MROH1: variants seen among roughly 807,000 people sequenced by gnomAD.
MROH1 encodes the protein maestro heat like repeat family member 1, also known as maestro heat-like repeat-containing protein family member 1.
A neutral mutation model predicts 116.5 loss-of-function variants in MROH1; 117 were observed. The observed-to-expected ratio is 1.00, with a 90% CI of 0.86 to 1.17. The LOEUF (loss-of-function observed/expected upper bound fraction) is 1.17, where lower values mean the gene tolerates loss of function less well. Ranked by LOEUF, MROH1 falls within the 50% of genes most tolerant of loss-of-function variation. The pLI is 0.00. For synonymous variants in MROH1, 921 were observed against 583.9 expected (o/e 1.58, Z -8.32); for missense variants, 1,873 against 1,338.5 (o/e 1.40, Z -6.23).
rs114291213 is a variant in MROH1 at position 144,169,071 on chromosome 8, G to A, written c.168+631G>A. ...TCTCACCTCCCAGGATTTCGGCCTC[G>A]CCTGATCTTGGTTCAGTGGTTCTCT... is the stretch of plus-strand genomic sequence containing the variant. On this transcript the variant is annotated intron_variant, in intron 4 of 43. Coordinates refer to ENST00000326134, the MANE Select transcript of MROH1 (RefSeq NM_032450.3). Among the ~76,000 whole-genome samples the A allele has an allele frequency of 1.6e-3, 247 of 152,288 alleles. 1 individual carries two copies. The highest frequency in any genetic ancestry group is 5.6e-3 in the African/African-American group (231 of 41,564).
chr8:144,226,503 A>G (rs1298619151), intron 14 of MROH1, among the ~76,000 whole-genome samples: 1 of 151,898 alleles, frequency 6.6e-6, no homozygotes, highest in Non-Finnish European at 1.5e-5. Context: ...CTCAGGCTGG[A>G]GTAAAATGGT....
rs1261223014 is a variant in MROH1, at chr8:144,152,542, AATT to A, written c.-177+4479_-177+4481del. On this transcript the variant is annotated intron_variant, in intron 1 of 43. Coordinates refer to ENST00000326134, the MANE Select transcript of MROH1 (RefSeq NM_032450.3). ...TAGCTGGGACTACAGGCGTGTGAAA[AATT>A]ATTATTATTATTTTTTTTTTTGAGA... is the stretch of plus-strand genomic sequence containing the variant. 2.0e-4 allele frequency among the ~76,000 whole-genome samples: 26 copies of A among 129,166 alleles called. 1 individual carries two copies. The highest frequency in any genetic ancestry group is 6.7e-4 in the African/African-American group (17 of 25,350). The allele number at this position is 129,166 out of a possible 152,430, so 84.7% of individuals were successfully genotyped here.
At chr8:144,243,268 A>G (rs904852674) in intron 24 of MROH1, among the ~76,000 whole-genome samples, 3 of 152,210 alleles carry the variant, frequency 2.0e-5, no homozygotes, top group Non-Finnish European at 2.9e-5. Flanking sequence ...CACACCACAC[A>G]GTGTCTGCTC....
At chr8:144,172,365 C>A (rs1822671355) in intron 4 of MROH1, among the ~76,000 whole-genome samples, 1 of 151,980 alleles carries the variant, frequency 6.6e-6, no homozygotes, top group Admixed American at 6.6e-5. Context: ...TCAGGCGTTT[C>A]TGTCTGCTGA....
intron 17 of MROH1, 32 bp downstream of exon 17, chr8:144,239,395 G>C: frequency 1.3e-6 from 1 of 780,380 alleles, no homozygotes; most frequent in South Asian, 1.3e-5. Flanking sequence ...CGTGCCCAGC[G>C]CCCCACTCTG....
chr8:144,179,353 G>A, intron 4 of MROH1, 102 bp from the exon 5 acceptor site: 1 of 1,511,634 alleles, frequency 6.6e-7, no homozygotes, highest in East Asian at 2.4e-5. Context: ...ACTTGAGGCA[G>A]AGAGATTTGT....
At position 144,180,854 on chromosome 8, in the gene MROH1, T is replaced by C. The variant is rs1358430982; in HGVS notation, c.562+331T>C. Among the ~76,000 whole-genome samples, 1 of 152,084 alleles carries C rather than the reference T, an allele frequency of 6.6e-6. No individual in the cohort carries two copies. Among genetic ancestry groups the C allele is most frequent in the African/African-American group, 2.4e-5 (1 of 41,402 alleles). On this transcript the variant is annotated intron_variant, in intron 7 of 43. Transcript: ENST00000326134. This position sits in a 1 kb window ranked among gnomAD's most constrained non-coding sequence, Gnocchi z 7.4. ...CTCCCCACTCCAGGCTAGAAAAGTG[T>C]CCGCTCTCTGGGCATCCCAGGACCC...
chr8:144,213,020 A>T (rs1564490263), intron 12 of MROH1: 3 of 779,636 alleles, frequency 3.8e-6, no homozygotes, highest in South Asian at 2.7e-5. Context: ...AATAACACTG[A>T]TGTTGCCATC....
chr8:144,174,938 A>G (rs1823442809), intron 4 of MROH1: 2 of 985,454 alleles, frequency 2.0e-6, no homozygotes, highest in African/African-American at 3.5e-5. Context: ...GAGATGCCAC[A>G]GTTGTGAGTG....
At chr8:144,234,185 A>G (rs1839529890) in intron 14 of MROH1, among the ~76,000 whole-genome samples, 1 of 151,782 alleles carries the variant, frequency 6.6e-6, no homozygotes, top group Admixed American at 6.6e-5. Flanking sequence ...AATTTTTTGT[A>G]TTTTTAGTAG....
At chr8:144,249,780 G>A in intron 32 of MROH1, among the ~76,000 whole-genome samples, 1 of 152,080 alleles carries the variant, frequency 6.6e-6, no homozygotes, top group East Asian at 1.9e-4. Flanking sequence ...CTCCCTTCCC[G>A]CCACGTCCCC....
intron 1 of MROH1, among the ~76,000 whole-genome samples, chr8:144,156,776 ATTTC>A (rs1818231685): frequency 9.1e-6 from 1 of 109,416 alleles, no homozygotes; most frequent in African/African-American, 3.5e-5. Context: ...TTGTAGTTTA[ATTTC>A]TTTTTTTTTT....
rs1844378104 is a variant in MROH1, at chr8:144,258,627, C to T, written c.3792-150C>T. On this transcript the variant is annotated intron_variant, in intron 35 of 43. Transcript: ENST00000326134. ...GAAATGGGGGGCCTCTAGCAGATGG[C>T]CCAGAGCCTGCTTCCTGGAGAGTGG... is the stretch of plus-strand genomic sequence containing the variant. 6.1e-6 allele frequency: 4 copies of T among 659,536 alleles called. No homozygotes were observed. In the African/African-American group the frequency reaches 7.1e-5, roughly 12 times the overall value. The allele number at this position is 659,536 out of a possible 1,614,324, so 40.9% of individuals were successfully genotyped here. A position where few individuals can be genotyped will look rare whatever the true frequency, so the allele number is the denominator to read the frequency against.
chr8:144,221,858 G>A lies in MROH1; in HGVS notation c.1215+1185G>A, dbSNP rs141227155. ...CCTCCTCGGGGTGGGGATGCTGGAC[G>A]TGAGAGCTGAAGGGGCAGAGGCGTG... On this transcript the variant is annotated intron_variant, in intron 13 of 43. Transcript: ENST00000326134. 2.3e-3 allele frequency among the ~76,000 whole-genome samples: 345 copies of A among 152,272 alleles called. 1 individual carries two copies. The highest frequency in any genetic ancestry group is 4.0e-3 in the Non-Finnish European group (275 of 68,010).
chr8:144,245,346 C>T lies in MROH1; in HGVS notation c.2871+86C>T. 5.4e-6 allele frequency: 4 copies of T among 745,124 alleles called. 1 individual carries two copies. The highest frequency in any genetic ancestry group is 3.4e-5 in the African/African-American group (2 of 58,722). The allele number at this position is 745,124 out of a possible 1,614,324, so 46.2% of individuals were successfully genotyped here. On this transcript the variant is annotated intron_variant, in intron 29 of 43. Transcript: ENST00000326134. ...GAGCTGCCTTCCTGGCTTCCTCTGG[C>T]CGCCGCCCCAGCTCAGGCCACAGTC...
At position 144,261,193 on chromosome 8, in the gene MROH1, G is replaced by A. The variant is rs1844978956; in HGVS notation, c.4751G>A (p.Arg1584Gln). 14 of 766,382 alleles carry A rather than the reference G, an allele frequency of 1.8e-5. No individual in the cohort carries two copies. Among genetic ancestry groups the A allele is most frequent in the South Asian group, 4.0e-5 (3 of 74,530 alleles). The allele number at this position is 766,382 out of a possible 1,614,324, so 47.5% of individuals were successfully genotyped here. Reference protein sequence around the residue: ...FYFKSSWENVRAAAPLFTGFL... With the variant: ...FYFKSSWENVQAAAPLFTGFL... ...TTCAAGAGCAGCTGGGAGAACGTCC[G>A]AGCTGCTGCACCCCTGTTCACCGGT... Residue 1584 changes from arginine (R) to glutamine (Q), a missense_variant, in exon 42 of 44, where the codon CGA becomes CAA. Coordinates refer to ENST00000326134, the MANE Select transcript of MROH1 (RefSeq NM_032450.3).
rs1045628851 is a variant in MROH1 at position 144,180,069 on chromosome 8, C to A, written c.301-109C>A. On this transcript the variant is annotated intron_variant, in intron 5 of 43. Coordinates refer to ENST00000326134, the MANE Select transcript of MROH1 (RefSeq NM_032450.3). This position sits in a 1 kb window ranked among gnomAD's most constrained non-coding sequence, Gnocchi z 7.4. Reference sequence around the variant, plus strand: ...TGCCCGCCACCTTCCCTGACCTGCACTTTCTGGGGACGCTGAAAACAGCGT... The same window carrying A: ...TGCCCGCCACCTTCCCTGACCTGCAATTTCTGGGGACGCTGAAAACAGCGT... The A allele has an allele frequency of 1.5e-5, 21 of 1,415,184 alleles. No homozygotes were observed. The African/African-American group carries it at 2.7e-4, about 18-fold the overall frequency. The allele number at this position is 1,415,184 out of a possible 1,614,324, so 87.7% of individuals were successfully genotyped here.
rs1376855410 is a variant in MROH1 at position 144,248,585 on chromosome 8, C to T, written c.3121-292C>T. 2.0e-5 allele frequency among the ~76,000 whole-genome samples: 3 copies of T among 152,206 alleles called. No homozygotes were observed. The East Asian group carries it at 5.8e-4, about 29-fold the overall frequency. ...ACAGGGCTGCTCCCAGCCCACTTCACTGGTCAGAAGGAGCCTGAGGGAGGG... is the reference window on the plus strand; with the variant it reads ...ACAGGGCTGCTCCCAGCCCACTTCATTGGTCAGAAGGAGCCTGAGGGAGGG... On this transcript the variant is annotated intron_variant, in intron 31 of 43. Transcript: ENST00000326134.
rs1284426599 is a variant in MROH1 at position 144,168,333 on chromosome 8, G to A, written c.61G>A (p.Asp21Asn). 1.2e-6 allele frequency: 2 copies of A among 1,609,962 alleles called. No individual in the cohort carries two copies. The highest frequency in any genetic ancestry group is 2.2e-5 in the East Asian group (1 of 44,852). Residue 21 changes from aspartate to asparagine, a missense_variant, in exon 4 of 44, where the codon GAC becomes AAC. Asp to Asn is a conservative substitution (Grantham distance 23). Coordinates refer to ENST00000326134, the MANE Select transcript of MROH1 (RefSeq NM_032450.3). ...STLLDAITDK[D>N]PLVQEQVCSA... ...CCTGCTGGACGCCATCACCGATAAG[G>A]ACCCCCTGGTGCAGGAGCAGGTCTG...
Sources: gnomAD v4.1 joint callset for allele counts (sites outside exome capture counted in the v4.1 genomes callset) on GRCh38, gnomAD v4.1.1 for gene constraint, Gnocchi (gnomAD v3.1) non-coding constraint, MANE v1.5 for transcripts, NCBI Gene and HGNC (gene_info 2026-07-23, HGNC 2026-07-21) for gene names.